Variants in CLTC observed in about 807,000 individuals in gnomAD.
The protein encoded by CLTC is clathrin heavy chain 1.
In CLTC, 16 loss-of-function variants were observed where a neutral mutation model predicts 195.8. The ratio of observed to expected loss-of-function variants is 0.08; its 90% CI spans 0.06 to 0.12. The LOEUF (loss-of-function observed/expected upper bound fraction) is 0.12. Among genes scored for constraint, CLTC ranks in the 10% least tolerant of loss-of-function variants. The pLI, the probability that CLTC is intolerant of heterozygous loss-of-function variation, is 1.00. For synonymous variants in CLTC, 667 were observed against 689.4 expected, an observed-to-expected ratio of 0.97 and a Z score of 0.51; for missense variants, 796 against 2,027.0, an observed-to-expected ratio of 0.39 and a Z score of 11.66.
At chr17:59,659,921 A>G (rs997386757) in intron 6 of CLTC, among the ~76,000 whole-genome samples, 11 of 152,204 alleles carry the variant, frequency 7.2e-5, no homozygotes, top group African/African-American at 2.7e-4. Flanking sequence ...AGTATACCTT[A>G]AACAACTTGC....
In CLTC at chr17:59,681,279, C is replaced by CT. The variant is rs200174514; in HGVS notation, c.3066-8dup. 1.3e-3 allele frequency: 2,102 copies of CT among 1,581,272 alleles called. 24 individuals are homozygous for CT. In the African/African-American group the frequency reaches 0.026, roughly 20 times the overall value. ...CTTAAAATATTGCATTTAAAATATT[C>CT]TTTTTTTTCTTAAAGGAATCTGCAA... On this transcript the variant is annotated splice_polypyrimidine_tract_variant and intron_variant, in intron 19 of 31. Coordinates refer to ENST00000269122, the MANE Select transcript of CLTC (RefSeq NM_004859.4). This position sits in a 1 kb window ranked among gnomAD's most constrained non-coding sequence, Gnocchi z 5.0.
At chr17:59,660,854 T>C (rs1319449195) in intron 7 of CLTC, among the ~76,000 whole-genome samples, 1 of 152,216 alleles carries the variant, frequency 6.6e-6, no homozygotes, top group African/African-American at 2.4e-5. Context: ...TAGTAATGTT[T>C]AGTCATTTAG....
Position 59,648,922 on chromosome 17 carries a change from T to C in CLTC, c.681+521T>C, listed in dbSNP as rs1425494135. The stretch of plus-strand genomic sequence containing the variant: ...ACTGCCCAGGCTGGTCTCAAACCTC[T>C]GGGTCCAAGTGATCCTCCCGCCTTG... On this transcript the variant is annotated intron_variant, in intron 4 of 31. Transcript: ENST00000269122. This position sits in a 1 kb window ranked among gnomAD's most constrained non-coding sequence, Gnocchi z 4.5. 2.0e-5 allele frequency among the ~76,000 whole-genome samples: 3 copies of C among 152,216 alleles called. No individual in the cohort carries two copies. The highest frequency in any genetic ancestry group is 3.8e-4 in the East Asian group (2 of 5,198).
At chr17:59,655,162 C>G (rs890686822) in intron 5 of CLTC, among the ~76,000 whole-genome samples, 1 of 152,130 alleles carries the variant, frequency 6.6e-6, no homozygotes, top group Admixed American at 6.5e-5. Flanking sequence ...AAAATTACTT[C>G]TAGCTTTCGA....
intron 3 of CLTC, 134 bp downstream of exon 3, chr17:59,647,800 TTCC>T: frequency 1.3e-6 from 1 of 783,260 alleles, no homozygotes; most frequent in Non-Finnish European, 2.0e-6. Context: ...GACTTTTTTT[TTCC>T]TTCCTCCCAT....
chr17:59,668,973 G>T, intron 14 of CLTC, 33 bp downstream of exon 14: 2 of 1,576,368 alleles, frequency 1.3e-6, no homozygotes, highest in South Asian at 1.2e-5. Flanking sequence ...TTTTCTGGTT[G>T]GATTCCAGGT....
intron 1 of CLTC, 144 bp from the exon 2 acceptor site, chr17:59,644,132 T>C (rs78234068): frequency 1.5e-6 from 1 of 647,398 alleles, no homozygotes; most frequent in East Asian, 2.7e-5. Flanking sequence ...TGGCTATTAA[T>C]AGTCTCTCTT....
rs937350933 is a variant in CLTC at position 59,661,390 on chromosome 17, C to T, written c.1168-53C>T. ...TGGATCACTTTCGAAGAGCGTTTAA[C>T]ATTTCTCCTTCTTACACTTTCGAAG... On this transcript the variant is annotated intron_variant, in intron 7 of 31. Coordinates refer to ENST00000269122, the MANE Select transcript of CLTC (RefSeq NM_004859.4). The T allele has an allele frequency of 9.0e-6, 13 of 1,440,212 alleles. No individual in the cohort carries two copies. The African/African-American group carries it at 1.8e-4, about 20-fold the overall frequency. The allele number at this position is 1,440,212 out of a possible 1,614,324, so 89.2% of individuals were successfully genotyped here.
chr17:59,646,052 T>C (rs1381071737), intron 2 of CLTC: 1 of 755,504 alleles, frequency 1.3e-6, no homozygotes, highest in African/African-American at 1.9e-5. Context: ...GTATTAGTTA[T>C]TGTCCTGTTC....
At position 59,681,859 on chromosome 17, in the gene CLTC, G is replaced by A. The variant is rs746443353; in HGVS notation, c.3442+20G>A. 3.2e-6 allele frequency: 5 copies of A among 1,585,004 alleles called. No individual in the cohort carries two copies. The East Asian group carries it at 9.0e-5, about 28-fold the overall frequency. Reference sequence around the variant, plus strand: ...CTAGTGGTATGACTTCTTACCTTATGTATTGAAACCTCATAAAATGATTAA... The same window carrying A: ...CTAGTGGTATGACTTCTTACCTTATATATTGAAACCTCATAAAATGATTAA... On this transcript the variant is annotated intron_variant, in intron 21 of 31. Coordinates refer to ENST00000269122, the MANE Select transcript of CLTC (RefSeq NM_004859.4). This position sits in a 1 kb window ranked among gnomAD's most constrained non-coding sequence, Gnocchi z 5.0.
intron 28 of CLTC, 77 bp from the exon 29 acceptor site, chr17:59,684,965 TGTTACCATCTAAGG>T (rs2033151439): frequency 2.1e-6 from 2 of 973,050 alleles, no homozygotes; most frequent in East Asian, 5.2e-5. Flanking sequence ...TCATATTACA[TGTTACCATCTAAGG>T]GGCTCATTGA....
Position 59,682,130 on chromosome 17 carries a change from A to G in CLTC, c.3443-141A>G. 1.2e-6 allele frequency: 1 copy of G among 803,000 alleles called. No individual in the cohort carries two copies. Among genetic ancestry groups the G allele is most frequent in the Non-Finnish European group, 1.9e-6 (1 of 518,334 alleles). 49.7% of individuals were successfully genotyped at this position (803,000 alleles called of 1,614,324 possible). ...CTATTCATTTGGTCCGTGATAATAC[A>G]GAAGTGAAATATTGCACGGTTTACA... On this transcript the variant is annotated intron_variant, in intron 21 of 31. Transcript: ENST00000269122. The surrounding 1 kb of genome is among the most constrained non-coding windows in gnomAD (Gnocchi z 6.8).
chr17:59,689,101 T>C (rs1279661999), intron 30 of CLTC: 1 of 152,188 alleles, frequency 6.6e-6, no homozygotes, highest in African/African-American at 2.4e-5. Flanking sequence ...TTGTAACACA[T>C]CATTTAGACT....
intron 8 of CLTC, among the ~76,000 whole-genome samples, chr17:59,663,420 C>CT (rs762110672): frequency 1.5e-3 from 221 of 152,248 alleles, no homozygotes; most frequent in Middle Eastern, 3.4e-3. Flanking sequence ...CCTCATCTGG[C>CT]TCCTTCATTA....
chr17:59,661,127 C>A (rs1197778516), intron 7 of CLTC, among the ~76,000 whole-genome samples: 1 of 151,800 alleles, frequency 6.6e-6, no homozygotes, highest in Non-Finnish European at 1.5e-5. Flanking sequence ...TATAACTATT[C>A]TCTTACACAC....
intron 1 of CLTC, among the ~76,000 whole-genome samples, chr17:59,631,891 G>A (rs1187362624): frequency 1.3e-5 from 2 of 151,032 alleles, no homozygotes; most frequent in Non-Finnish European, 2.9e-5. Context: ...GATCACCTGA[G>A]CCTGGGAAGT....
chr17:59,636,932 C>CTTTTT (rs771908096), intron 1 of CLTC, among the ~76,000 whole-genome samples: 4 of 103,668 alleles, frequency 3.9e-5, no homozygotes, highest in Non-Finnish European at 5.8e-5. Context: ...CCGGCTAATT[C>CTTTTT]TTTTTTTTTT....
chr17:59,620,041 C>G lies in CLTC; in HGVS notation c.-91C>G, dbSNP rs185248699. ...GATCCTGCTGAGCCCAGCCTCCCCC[C>G]TCCCCTTCTCCTCCTCTCCCTTGGA... On this transcript the variant is annotated 5_prime_UTR_variant, in exon 1 of 32. Coordinates refer to ENST00000269122, the MANE Select transcript of CLTC (RefSeq NM_004859.4). 5.9e-6 allele frequency: 7 copies of G among 1,185,244 alleles called. No homozygotes were observed. Among genetic ancestry groups the G allele is most frequent in the African/African-American group, 1.5e-5 (1 of 66,640 alleles). 73.4% of individuals were successfully genotyped at this position (1,185,244 alleles called of 1,614,324 possible).
At chr17:59,675,191 TCATGTGGTGTTTC>T (rs565231577) in intron 16 of CLTC, among the ~76,000 whole-genome samples, 3 of 152,196 alleles carry the variant, frequency 2.0e-5, no homozygotes, top group Non-Finnish European at 2.9e-5. Context: ...TACTGATCAA[TCATGTGGTGTTTC>T]CAACCTGAGA....
Sources: gnomAD v4.1 joint callset for allele counts (sites outside exome capture counted in the v4.1 genomes callset) on GRCh38, gnomAD v4.1.1 for gene constraint, Gnocchi (gnomAD v3.1) non-coding constraint, MANE v1.5 for transcripts, NCBI Gene and HGNC (gene_info 2026-07-23, HGNC 2026-07-21) for gene names.